The following MLIP variants were observed in gnomAD, a reference collection of about 807,000 sequenced individuals.
MLIP encodes muscular LMNA-interacting protein.
A neutral mutation model predicts 84.8 loss-of-function variants in MLIP; 79 were observed. That is an observed-to-expected ratio of 0.93 (90% confidence interval 0.78 to 1.12). The LOEUF is 1.12. Ranked by LOEUF, MLIP falls within the 50% of genes most tolerant of loss-of-function variation. The pLI is 0.00. For synonymous variants in MLIP, 504 were observed against 463.0 expected, an observed-to-expected ratio of 1.09 and a Z score of -1.14; for missense variants, 1,257 against 1,160.6, an observed-to-expected ratio of 1.08 and a Z score of -1.21.
intron 1 of MLIP, among the ~76,000 whole-genome samples, chr6:54,095,796 A>G (rs967958581): frequency 2.0e-5 from 3 of 152,212 alleles, no homozygotes; most frequent in Non-Finnish European, 4.4e-5. Flanking sequence ...CTCTGTTCTC[A>G]GTTTGAATTC....
At chr6:54,139,672 T>A (rs1243491322) in intron 4 of MLIP, among the ~76,000 whole-genome samples, 1 of 152,180 alleles carries the variant, frequency 6.6e-6, no homozygotes, top group Non-Finnish European at 1.5e-5. Context: ...CTATTTTCCC[T>A]ATTTTGTACA....
rs971631299 is a variant in MLIP at position 54,121,659 on chromosome 6, G to A, written c.252+57G>A. 6.8e-6 allele frequency: 9 copies of A among 1,328,670 alleles called. No individual in the cohort carries two copies. In the Admixed American group the frequency reaches 1.0e-4, roughly 15 times the overall value. The allele number at this position is 1,328,670 out of a possible 1,614,324, so 82.3% of individuals were successfully genotyped here. ...AACAATTATATTAAATTTTGATAAT[G>A]ATGACTTGGAAATTTGTGTATATTT... On this transcript the variant is annotated intron_variant, in intron 2 of 13. Transcript: ENST00000502396.
intron 12 of MLIP, among the ~76,000 whole-genome samples, chr6:54,255,400 A>C (rs1198968646): frequency 6.6e-6 from 1 of 152,176 alleles, no homozygotes; most frequent in Non-Finnish European, 1.5e-5. Flanking sequence ...CATATAAAGA[A>C]TTTATTATGT....
chr6:54,236,649 T>A (rs1377121675), intron 12 of MLIP, among the ~76,000 whole-genome samples: 3 of 151,254 alleles, frequency 2.0e-5, no homozygotes, highest in African/African-American at 7.4e-5. Context: ...TGGTATCATG[T>A]TTTTGTTTGC....
intron 8 of MLIP, among the ~76,000 whole-genome samples, chr6:54,167,808 A>T (rs1775347233): frequency 6.6e-6 from 1 of 151,868 alleles, no homozygotes; most frequent in Admixed American, 6.6e-5. Context: ...TCTTCAGATG[A>T]TTTGATATCA....
chr6:54,057,786 T>C (rs1765746076), intron 1 of MLIP, among the ~76,000 whole-genome samples: 1 of 152,204 alleles, frequency 6.6e-6, no homozygotes, highest in East Asian at 1.9e-4. Context: ...GCTTTAAGAA[T>C]TCCAAGATGC....
intron 1 of MLIP, among the ~76,000 whole-genome samples, chr6:54,031,019 C>T (rs745519039): frequency 6.6e-6 from 1 of 152,136 alleles, no homozygotes; most frequent in Non-Finnish European, 1.5e-5. Context: ...CACAAAAGTA[C>T]AGATGTTATG....
At chr6:54,099,615 A>G (rs1039645343) in intron 1 of MLIP, 1 of 152,162 alleles carries the variant, frequency 6.6e-6, no homozygotes, top group Admixed American at 6.5e-5. Context: ...CAGGTAACCA[A>G]ATTTATTAAT....
At chr6:54,262,850 CTT>C (rs1562121777) in intron 13 of MLIP, among the ~76,000 whole-genome samples, 1 of 152,038 alleles carries the variant, frequency 6.6e-6, no homozygotes, top group Non-Finnish European at 1.5e-5. Context: ...TTAAGCCTTT[CTT>C]TTTGAATTTC....
chr6:54,197,435 A>C (rs1778377854), intron 10 of MLIP, among the ~76,000 whole-genome samples: 1 of 152,138 alleles, frequency 6.6e-6, no homozygotes, highest in African/African-American at 2.4e-5. Context: ...AAATGTCTCC[A>C]GTGAACATCT....
At chr6:54,252,390 CATATA>C (rs1379263625) in intron 12 of MLIP, among the ~76,000 whole-genome samples, 5 of 92,236 alleles carry the variant, frequency 5.4e-5, no homozygotes, top group Non-Finnish European at 9.9e-5. Flanking sequence ...TATATTATAA[CATATA>C]ATATATAATA....
chr6:54,039,041 G>A (rs1311210719), intron 1 of MLIP, among the ~76,000 whole-genome samples: 1 of 151,836 alleles, frequency 6.6e-6, no homozygotes, highest in Non-Finnish European at 1.5e-5. Flanking sequence ...AATCTCCACA[G>A]AAATCTATAT....
chr6:54,025,004 A>ATTTT (rs79753738), intron 1 of MLIP, among the ~76,000 whole-genome samples: 10 of 140,020 alleles, frequency 7.1e-5, no homozygotes, highest in South Asian at 7.0e-4. Flanking sequence ...TGCCCAGCTA[A>ATTTT]TTTTTTTTTT....
intron 1 of MLIP, among the ~76,000 whole-genome samples, chr6:54,079,113 T>G (rs1218815342): frequency 3.3e-5 from 5 of 152,240 alleles, no homozygotes; most frequent in Admixed American, 1.3e-4. Flanking sequence ...GGTGTTTTTC[T>G]GAAATTAAAC....
intron 12 of MLIP, among the ~76,000 whole-genome samples, chr6:54,231,509 C>T (rs1347684795): frequency 3.3e-5 from 5 of 151,646 alleles, no homozygotes; most frequent in Non-Finnish European, 5.9e-5. Flanking sequence ...GTGTATGATA[C>T]AAAACAAGTA....
At chr6:54,036,034 A>G (rs906188732) in intron 1 of MLIP, among the ~76,000 whole-genome samples, 5 of 150,810 alleles carry the variant, frequency 3.3e-5, no homozygotes, top group African/African-American at 1.2e-4. Context: ...AAGTATAAGA[A>G]CTCTTCACTG....
At chr6:54,095,330 C>T (rs980188692) in intron 1 of MLIP, among the ~76,000 whole-genome samples, 7 of 152,138 alleles carry the variant, frequency 4.6e-5, no homozygotes, top group Non-Finnish European at 1.5e-5. Flanking sequence ...TCCCTCTACT[C>T]AGAAGGAGTC....
chr6:54,261,163 A>T (rs547789361), intron 13 of MLIP, among the ~76,000 whole-genome samples: 15 of 152,140 alleles, frequency 9.9e-5, no homozygotes, highest in African/African-American at 3.4e-4. Context: ...TCTAGTAGTG[A>T]CAATTATTTT....
At chr6:54,112,074 A>G (rs182237967) in intron 1 of MLIP, among the ~76,000 whole-genome samples, 3 of 152,330 alleles carry the variant, frequency 2.0e-5, no homozygotes, top group Admixed American at 1.3e-4. Context: ...TCATATTTCT[A>G]TGACTAAATT....
Sources: gnomAD v4.1 joint callset for allele counts (sites outside exome capture counted in the v4.1 genomes callset) on GRCh38, gnomAD v4.1.1 for gene constraint, MANE v1.5 for transcripts, NCBI Gene and HGNC (gene_info 2026-07-23, HGNC 2026-07-21) for gene names.